Variants in FGD4 observed in about 807,000 individuals in gnomAD.
FGD4 encodes FYVE, RhoGEF and PH domain containing 4, also known as FYVE, RhoGEF and PH domain-containing protein 4.
A neutral mutation model predicts 102.0 loss-of-function variants in FGD4; 42 were observed. That is an observed-to-expected ratio of 0.41 (90% CI 0.32 to 0.53). FGD4 has a LOEUF of 0.53. Ranked by LOEUF, FGD4 falls within the 20% of genes least tolerant of loss-of-function variation. The pLI is 0.21. For synonymous variants in FGD4, 380 were observed against 375.7 expected (o/e 1.01, Z -0.13); for missense variants, 902 against 1,078.2 (o/e 0.84, Z 2.29).
In FGD4 at chr12:32,405,261, G is replaced by GTTTTTT. The variant is rs11396808; in HGVS notation, c.166+5316_166+5321dup. Among the ~76,000 whole-genome samples the GTTTTTT allele has an allele frequency of 9.4e-4, 102 of 108,732 alleles. 5 individuals are homozygous for GTTTTTT. The South Asian group carries it at 0.016, about 18-fold the overall frequency. 71.3% of individuals were successfully genotyped at this position (108,732 alleles called of 152,430 possible). On this transcript the variant is annotated intron_variant, in intron 1 of 16. Transcript: ENST00000534526. ...AGAACAGTTTAAAGAGCAGTCAGTG[G>GTTTTTT]TTTTTTTTTTTTTTTTTTTAGAAGG...
chr12:32,473,475 G>A (rs974459933), intron 1 of FGD4, among the ~76,000 whole-genome samples: 6 of 152,046 alleles, frequency 3.9e-5, no homozygotes, highest in African/African-American at 1.4e-4. Flanking sequence ...AAGGTCTGCA[G>A]CTTCACTCCT....
intron 1 of FGD4, among the ~76,000 whole-genome samples, chr12:32,403,164 A>C (rs1435836449): frequency 6.6e-6 from 1 of 152,188 alleles, no homozygotes; most frequent in Non-Finnish European, 1.5e-5. Context: ...ACTTGGCAGA[A>C]AATTCCATTT....
intron 1 of FGD4, among the ~76,000 whole-genome samples, chr12:32,405,140 A>G (rs200860776): frequency 6.6e-6 from 1 of 151,712 alleles, no homozygotes; most frequent in Non-Finnish European, 1.5e-5. Context: ...TCACCGTGTT[A>G]GCCAGGATGG....
At chr12:32,582,996 C>A (rs1226645241) in intron 4 of FGD4, 1 of 153,078 alleles carries the variant, frequency 6.5e-6, no homozygotes, top group African/African-American at 2.4e-5. Context: ...AATTAATACC[C>A]AATTTTATAA....
chr12:32,416,661 T>C (rs1199213022), intron 1 of FGD4, among the ~76,000 whole-genome samples: 1 of 152,202 alleles, frequency 6.6e-6, no homozygotes, highest in Non-Finnish European at 1.5e-5. Context: ...CTATATACTT[T>C]AACTTTCTCC....
At chr12:32,595,184 T>C (rs943062341) in intron 4 of FGD4, among the ~76,000 whole-genome samples, 1 of 152,220 alleles carries the variant, frequency 6.6e-6, no homozygotes, top group South Asian at 2.1e-4. Flanking sequence ...GCATTTATGT[T>C]TACTTATTAC....
Position 32,620,512 on chromosome 12 carries a change from T to TTTTTTTTCTTTC in FGD4, c.1922+645_1922+646insTTTTCTTTCTTT, listed in dbSNP as rs1949744373. Among the ~76,000 whole-genome samples, 6 of 129,398 alleles carry TTTTTTTTCTTTC rather than the reference T, an allele frequency of 4.6e-5. No homozygotes were observed. In the Admixed American group the frequency reaches 5.2e-4, roughly 11 times the overall value. The allele number at this position is 129,398 out of a possible 152,430, so 84.9% of individuals were successfully genotyped here. On this transcript the variant is annotated intron_variant, in intron 11 of 16. Transcript: ENST00000534526. ...ACATTCCCCTAGCCATAACCATTTT[T>TTTTTTTTCTTTC]TTTCTTTCTTTTTTTTTTTTTTTTT... is the stretch of plus-strand genomic sequence containing the variant.
At chr12:32,574,466 A>G (rs906045711) in intron 2 of FGD4, among the ~76,000 whole-genome samples, 1 of 152,060 alleles carries the variant, frequency 6.6e-6, no homozygotes, top group Admixed American at 6.6e-5. Flanking sequence ...TATTCTACAC[A>G]GAAGTTTTTT....
chr12:32,528,434 G>T (rs1941480796), intron 1 of FGD4, among the ~76,000 whole-genome samples: 1 of 152,076 alleles, frequency 6.6e-6, no homozygotes, highest in East Asian at 1.9e-4. Flanking sequence ...TGTCGCCCAG[G>T]CTGGAGTGCA....
intron 1 of FGD4, among the ~76,000 whole-genome samples, chr12:32,415,033 T>C (rs1459490268): frequency 6.6e-6 from 1 of 152,242 alleles, no homozygotes; most frequent in Non-Finnish European, 1.5e-5. Context: ...AATGTTTTCA[T>C]TGACCCACTG....
rs1236549639 is a variant in FGD4 at position 32,610,130 on chromosome 12, T to A, written c.1544-646T>A. On this transcript the variant is annotated intron_variant, in intron 8 of 16. Transcript: ENST00000534526. The stretch of plus-strand genomic sequence containing the variant: ...CAACTAGTAAAATACTTACTACTCA[T>A]GAAATATTTTAGAACTTTTGAGTCA... 3.9e-5 allele frequency among the ~76,000 whole-genome samples: 6 copies of A among 152,224 alleles called. No homozygotes were observed. In the East Asian group the frequency reaches 7.7e-4, roughly 20 times the overall value.
At chr12:32,433,942 G>A (rs748226431) in intron 1 of FGD4, among the ~76,000 whole-genome samples, 19 of 151,834 alleles carry the variant, frequency 1.3e-4, no homozygotes, top group Admixed American at 8.5e-4. Flanking sequence ...TGCGACCTCC[G>A]CCTTCTGGGT....
intron 1 of FGD4, among the ~76,000 whole-genome samples, chr12:32,528,044 A>G (rs1166787388): frequency 6.6e-6 from 1 of 151,680 alleles, no homozygotes; most frequent in Non-Finnish European, 1.5e-5. Context: ...AGGTCACTGC[A>G]GCCTCTGCCT....
chr12:32,638,061 G>A (rs1592507161), intron 15 of FGD4, among the ~76,000 whole-genome samples: 2 of 152,106 alleles, frequency 1.3e-5, no homozygotes, highest in South Asian at 2.1e-4. Flanking sequence ...TCGCATTGTC[G>A]TTAAAAGTTC....
chr12:32,591,165 C>G (rs7133823), intron 4 of FGD4, among the ~76,000 whole-genome samples: 235 of 152,092 alleles, frequency 1.5e-3, no homozygotes, highest in African/African-American at 5.3e-3. Context: ...CACTCTCTTT[C>G]CATAGAAGAA....
At position 32,538,540 on chromosome 12, in the gene FGD4, C is replaced by G. The variant is rs118110847; in HGVS notation, c.167-25597C>G. 6.6e-5 allele frequency among the ~76,000 whole-genome samples: 10 copies of G among 151,978 alleles called. No individual in the cohort carries two copies. The East Asian group carries it at 1.9e-3, about 29-fold the overall frequency. On this transcript the variant is annotated intron_variant, in intron 1 of 16. Coordinates refer to ENST00000534526, the MANE Select transcript of FGD4 (RefSeq NM_001370298.3). ...TCCTGCTATTGGAAGCCTCACAGGC[C>G]AAGTTGATATAAAGAAGTATGAAGA...
intron 14 of FGD4, among the ~76,000 whole-genome samples, chr12:32,629,347 G>A (rs1454830525): frequency 6.6e-6 from 1 of 152,116 alleles, no homozygotes; most frequent in East Asian, 1.9e-4. Context: ...AAATGAAGGG[G>A]AGAGGAGCAG....
chr12:32,477,526 GTTCC>G (rs1432211469), intron 1 of FGD4: 4 of 152,364 alleles, frequency 2.6e-5, no homozygotes, highest in African/African-American at 9.6e-5. Flanking sequence ...GTCATTTTAA[GTTCC>G]TTGCCAACAG....
At chr12:32,618,643 G>A (rs1156546946) in intron 10 of FGD4, among the ~76,000 whole-genome samples, 1 of 152,088 alleles carries the variant, frequency 6.6e-6, no homozygotes, top group South Asian at 2.1e-4. Flanking sequence ...ACCAGGCTGG[G>A]CAACATAGCT....
Sources: allele counts gnomAD v4.1 joint callset (sites outside exome capture counted in the v4.1 genomes callset), GRCh38; gene constraint gnomAD v4.1.1; transcripts MANE v1.5; gene names NCBI Gene and HGNC (gene_info 2026-07-23, HGNC 2026-07-21).